FXYD5: variants seen among roughly 807,000 people sequenced by gnomAD.
The protein encoded by FXYD5 is FXYD domain-containing ion transport regulator 5.
A neutral mutation model predicts 25.7 loss-of-function variants in FXYD5; 21 were observed. The ratio of observed to expected loss-of-function variants is 0.82; its 90% confidence interval spans 0.58 to 1.18. FXYD5 has a LOEUF of 1.18. FXYD5 is among the 50% of genes most tolerant of loss of function. The probability of loss-of-function intolerance (pLI) is 0.00; values close to 1 mark genes in which losing one functional copy is unlikely to be tolerated. For synonymous variants in FXYD5, 101 were observed against 90.7 expected (o/e 1.11, Z -0.64); for missense variants, 229 against 227.7 (o/e 1.01, Z -0.04).
intron 8 of FXYD5, chr19:35,166,530 C>G: frequency 2.1e-6 from 1 of 482,396 alleles, no homozygotes; most frequent in Non-Finnish European, 3.6e-6. Flanking sequence ...GAAACATAGG[C>G]TGGGCTCAGC....
chr19:35,164,278 C>T, intron 6 of FXYD5, 33 bp downstream of exon 6: 1 of 1,583,942 alleles, frequency 6.3e-7, no homozygotes, highest in South Asian at 1.2e-5. Flanking sequence ...TGGAAACAGG[C>T]TATTTTCTGT....
intron 2 of FXYD5, 27 bp from the exon 3 acceptor site, chr19:35,157,394 C>T (rs772705594): frequency 1.5e-6 from 2 of 1,357,022 alleles, no homozygotes; most frequent in South Asian, 1.2e-5. Flanking sequence ...CAGGCTCCCT[C>T]CTGACTTCTC....
rs774086815 is a variant in FXYD5 at position 35,164,187 on chromosome 19, T to C, written c.324T>C (p.Ser108=). 9 of 1,614,074 alleles carry C rather than the reference T, an allele frequency of 5.6e-6. No individual in the cohort carries two copies. The Middle Eastern group carries it at 4.9e-4, about 89-fold the overall frequency. ...CCACTGATGACACCACGACGCTCTC[T>C]GAGAGACCATCCCCAAGCACAGACG... The part of the protein sequence containing the change: ...AHPTDDTTTL[S]ERPSPSTDVQ... Residue 108 remains serine (S), a synonymous_variant, in exon 6 of 9, where the codon TCT becomes TCC. Transcript: ENST00000392219.
chr19:35,166,679 C>T (rs1327741326), intron 8 of FXYD5: 29 of 367,718 alleles, frequency 7.9e-5, no homozygotes, highest in Middle Eastern at 6.9e-4. Context: ...TGGGCTTGTT[C>T]GCATGGTGGT....
intron 4 of FXYD5, 50 bp from the exon 5 acceptor site, chr19:35,160,659 C>T (rs754650941): frequency 1.5e-6 from 2 of 1,292,392 alleles, no homozygotes; most frequent in Non-Finnish European, 2.3e-6. Context: ...ATTCTCTTTC[C>T]CCAGTGACTC....
intron 4 of FXYD5, 49 bp from the exon 5 acceptor site, chr19:35,160,660 C>G: frequency 7.7e-7 from 1 of 1,297,568 alleles, no homozygotes; most frequent in East Asian, 2.3e-5. Context: ...TTCTCTTTCC[C>G]CAGTGACTCT....
chr19:35,155,381 A>T, intron 1 of FXYD5, 170 bp from the exon 2 acceptor site: 1 of 630,794 alleles, frequency 1.6e-6, no homozygotes, highest in Non-Finnish European at 2.9e-6. Flanking sequence ...TGGTATCCCC[A>T]CCTAAGACCC....
intron 3 of FXYD5, 156 bp downstream of exon 3, chr19:35,157,657 T>G: frequency 1.9e-6 from 1 of 539,192 alleles, no homozygotes; most frequent in South Asian, 2.0e-5. Flanking sequence ...GGTGCTCAAA[T>G]GATGCTATCA....
At chr19:35,163,948 C>T in intron 5 of FXYD5, 1 of 1,443,252 alleles carries the variant, frequency 6.9e-7, no homozygotes, top group South Asian at 1.5e-5. Flanking sequence ...CAGATAGTCG[C>T]AACCGGGGCT....
rs985273587 is a variant in FXYD5 at position 35,169,717 on chromosome 19, C to A, written c.*102C>A. The A allele has an allele frequency of 2.6e-6, 2 of 771,986 alleles. No homozygotes were observed. The highest frequency in any genetic ancestry group is 4.6e-6 in the Non-Finnish European group (2 of 438,350). 47.8% of individuals were successfully genotyped at this position (771,986 alleles called of 1,614,324 possible). ...TCCTGCATCCCCTCGAAGAGCCTGGCCAGAGAGGGAAGACACAGATGATGA... is the reference window on the plus strand; with the variant it reads ...TCCTGCATCCCCTCGAAGAGCCTGGACAGAGAGGGAAGACACAGATGATGA... On this transcript the variant is annotated 3_prime_UTR_variant, in exon 9 of 9. Coordinates refer to ENST00000392219, the MANE Select transcript of FXYD5 (RefSeq NM_014164.6).
chr19:35,157,632 G>T (rs1279735664), intron 3 of FXYD5, 131 bp downstream of exon 3: 3 of 583,290 alleles, frequency 5.1e-6, no homozygotes, highest in Admixed American at 2.5e-5. Context: ...AGACCTTCAG[G>T]CATGGCTTGA....
In FXYD5 at chr19:35,166,056, T is replaced by C. The variant is rs1166029808; in HGVS notation, c.383-86T>C. 1.0e-5 allele frequency: 13 copies of C among 1,253,214 alleles called. No individual in the cohort carries two copies. In the Admixed American group the frequency reaches 1.5e-4, roughly 15 times the overall value. The allele number at this position is 1,253,214 out of a possible 1,614,324, so 77.6% of individuals were successfully genotyped here. ...GGGTTTTGTTCTAAGGGTACCCAGGTATCCCCCTTTCCTGACTTTGCCATT... is the reference window on the plus strand; with the variant it reads ...GGGTTTTGTTCTAAGGGTACCCAGGCATCCCCCTTTCCTGACTTTGCCATT... On this transcript the variant is annotated intron_variant, in intron 6 of 8. Coordinates refer to ENST00000392219, the MANE Select transcript of FXYD5 (RefSeq NM_014164.6).
chr19:35,162,048 T>C (rs2065411104), intron 5 of FXYD5, among the ~76,000 whole-genome samples: 1 of 152,034 alleles, frequency 6.6e-6, no homozygotes. Flanking sequence ...CCTGTAGGGG[T>C]GGGGGATAGC....
chr19:35,155,319 T>A, intron 1 of FXYD5: 2 of 588,578 alleles, frequency 3.4e-6, no homozygotes, highest in South Asian at 2.0e-5. Context: ...ATTTATCTCA[T>A]GCTTCTTGTT....
At chr19:35,158,458 C>G in intron 4 of FXYD5, 58 bp downstream of exon 4, 2 of 990,544 alleles carry the variant, frequency 2.0e-6, no homozygotes, top group Non-Finnish European at 3.3e-6. Flanking sequence ...AGTTTCCCCT[C>G]TTCCTCTGAC....
chr19:35,160,917 T>TA (rs373492305), intron 5 of FXYD5, 116 bp downstream of exon 5: 14 of 667,948 alleles, frequency 2.1e-5, no homozygotes, highest in South Asian at 3.5e-5. Context: ...TTAATACATT[T>TA]AAAAAAAATG....
rs1484930814 is a variant in FXYD5, at chr19:35,155,575, C to G, written c.25C>G (p.Leu9Val). 3 of 1,610,944 alleles carry G rather than the reference C, an allele frequency of 1.9e-6. No individual in the cohort carries two copies. In the East Asian group the frequency reaches 6.7e-5, roughly 36 times the overall value. Reference sequence around the variant, plus strand: ...GATGTCGCCCTCTGGTCGCCTGTGTCTTCTCACCATCGTTGGCCTGATTCT... The same window carrying G: ...GATGTCGCCCTCTGGTCGCCTGTGTGTTCTCACCATCGTTGGCCTGATTCT... MSPSGRLC[L>V]LTIVGLILPT... The change falls in exon 2 of 9, where the codon CTT (leucine) becomes GTT (valine). Residue 9 changes from leucine to valine, a missense_variant. Physicochemically the swap from Leu to Val is conservative, Grantham distance 32. Transcript: ENST00000392219.
chr19:35,164,920 G>T (rs2065437731), intron 6 of FXYD5, among the ~76,000 whole-genome samples: 1 of 152,208 alleles, frequency 6.6e-6, no homozygotes, highest in African/African-American at 2.4e-5. Context: ...GTAAAGTAGG[G>T]TTAGAGAGTG....
chr19:35,160,654 C>T, intron 4 of FXYD5, 55 bp from the exon 5 acceptor site: 1 of 1,266,964 alleles, frequency 7.9e-7, no homozygotes, highest in Non-Finnish European at 1.2e-6. Flanking sequence ...CCCCAATTCT[C>T]TTTCCCCAGT....
Sources: gnomAD v4.1 joint callset for allele counts (sites outside exome capture counted in the v4.1 genomes callset) on GRCh38, gnomAD v4.1.1 for gene constraint, MANE v1.5 for transcripts, NCBI Gene and HGNC (gene_info 2026-07-23, HGNC 2026-07-21) for gene names.